Variants in DUS1L observed in about 807,000 individuals in gnomAD.
DUS1L encodes the protein dihydrouridine synthase 1 like, also known as tRNA-dihydrouridine(16/17) synthase [NAD(P)(+)]-like.
DUS1L carries 56 observed loss-of-function variants against 61.2 expected under a neutral mutation model. That is an observed-to-expected ratio of 0.92 (90% CI 0.74 to 1.14). The LOEUF (loss-of-function observed/expected upper bound fraction) is 1.14, where lower values mean the gene tolerates loss of function less well. Among genes scored for constraint, DUS1L ranks in the 50% most tolerant of loss-of-function variants. The probability of loss-of-function intolerance (pLI) is 0.00; values close to 1 mark genes in which losing one functional copy is unlikely to be tolerated. For missense variants in DUS1L, 630 were observed against 632.4 expected, an observed-to-expected ratio of 1.00 and a Z score of 0.04; for synonymous variants, 278 against 259.5, an observed-to-expected ratio of 1.07 and a Z score of -0.69.
chr17:82,059,766 C>T, intron 11 of DUS1L, 182 bp downstream of exon 11: 2 of 786,116 alleles, frequency 2.5e-6, no homozygotes, highest in Non-Finnish European at 4.1e-6. Context: ...CTGTGGCCTG[C>T]ACAGGGTCCC....
chr17:82,061,085 C>G (rs762378509), intron 8 of DUS1L, 124 bp from the exon 9 acceptor site: 3 of 1,529,044 alleles, frequency 2.0e-6, no homozygotes, highest in Non-Finnish European at 2.7e-6. Context: ...GTCACCCCAG[C>G]CCCTCAAGAC....
Position 82,060,676 on chromosome 17 carries a change from C to T in DUS1L, c.1022+25G>A, listed in dbSNP as rs141391140. ...GAGCCCACACCTTGGTGCACATCCC[C>T]GCCCAGGGCTGGCTGGGCTCTCACC... On this transcript the variant is annotated intron_variant, in intron 10 of 13. Coordinates refer to ENST00000306796, the MANE Select transcript of DUS1L (RefSeq NM_022156.5). 1,351 of 1,608,944 alleles carry T rather than the reference C, an allele frequency of 8.4e-4. 11 individuals are homozygous for T. The African/African-American group carries it at 0.014, about 16-fold the overall frequency.
At chr17:82,064,286 G>T (rs765168975) in intron 2 of DUS1L, 52 bp from the exon 3 acceptor site, 29 of 1,513,896 alleles carry the variant, frequency 1.9e-5, no homozygotes, top group Non-Finnish European at 2.4e-5. Flanking sequence ...CTAGTCCCTT[G>T]CTGCCCAGCC....
Position 82,060,699 on chromosome 17 carries a change from A to T in DUS1L, c.1022+2T>A. On this transcript the variant is annotated splice_donor_variant, in intron 10 of 13. Transcript: ENST00000306796. LOFTEE classifies it high-confidence loss of function. Reference sequence around the variant, plus strand: ...CCCGCCCAGGGCTGGCTGGGCTCTCACCCCGGCCGGATGTAGGGCTGGCAG... The same window carrying T: ...CCCGCCCAGGGCTGGCTGGGCTCTCTCCCCGGCCGGATGTAGGGCTGGCAG... 2 of 1,612,236 alleles carry T rather than the reference A, an allele frequency of 1.2e-6. No individual in the cohort carries two copies. Among genetic ancestry groups the T allele is most frequent in the Non-Finnish European group, 1.7e-6 (2 of 1,179,682 alleles).
chr17:82,057,890 A>C lies in DUS1L; in HGVS notation c.*225T>G. The C allele has an allele frequency of 2.4e-6, 1 of 424,988 alleles. No individual in the cohort carries two copies. The allele number at this position is 424,988 out of a possible 1,614,324, so 26.3% of individuals were successfully genotyped here. On this transcript the variant is annotated 3_prime_UTR_variant, in exon 14 of 14. Coordinates refer to ENST00000306796, the MANE Select transcript of DUS1L (RefSeq NM_022156.5). ...GGCTGTGGGCTCTCGCATCTTTGAAATGATTTATTGTTCACTTTTGCACAC... is the reference window on the plus strand; with the variant it reads ...GGCTGTGGGCTCTCGCATCTTTGAACTGATTTATTGTTCACTTTTGCACAC...
chr17:82,059,916 C>A, intron 11 of DUS1L, 32 bp downstream of exon 11: 1 of 1,613,182 alleles, frequency 6.2e-7, no homozygotes, highest in South Asian at 1.1e-5. Flanking sequence ...TGAAGAGGCT[C>A]TCTCGGGCCC....
rs528776653 is a variant in DUS1L, at chr17:82,060,382, G to T, written c.1023-289C>A. The stretch of plus-strand genomic sequence containing the variant: ...CCTCTGAGAACCCAGCAGAAGCTGG[G>T]GTCAACCTCTTGACCCACGGGCAAA... On this transcript the variant is annotated intron_variant, in intron 10 of 13. Coordinates refer to ENST00000306796, the MANE Select transcript of DUS1L (RefSeq NM_022156.5). The T allele has an allele frequency of 2.1e-5, 12 of 579,106 alleles. No individual in the cohort carries two copies. In the South Asian group the frequency reaches 2.7e-4, roughly 13 times the overall value. The allele number at this position is 579,106 out of a possible 1,614,324, so 35.9% of individuals were successfully genotyped here. A position where few individuals can be genotyped will look rare whatever the true frequency, so the allele number is the denominator to read the frequency against.
rs546159582 is a variant in DUS1L at position 82,060,612 on chromosome 17, G to C, written c.1022+89C>G. The C allele has an allele frequency of 1.0e-3, 1,556 of 1,490,118 alleles. 1 individual carries two copies. The highest frequency in any genetic ancestry group is 1.3e-3 in the Non-Finnish European group (1,410 of 1,104,546). The allele number at this position is 1,490,118 out of a possible 1,614,324, so 92.3% of individuals were successfully genotyped here. A position where few individuals can be genotyped will look rare whatever the true frequency, so the allele number is the denominator to read the frequency against. On this transcript the variant is annotated intron_variant, in intron 10 of 13. Coordinates refer to ENST00000306796, the MANE Select transcript of DUS1L (RefSeq NM_022156.5). ...GGAGATGACTGACCATAATGGCTGA[G>C]GACAAGCAGGGCAGGCGCAGCACTG...
chr17:82,058,913 G>A (rs113440348), intron 11 of DUS1L, 95 bp from the exon 12 acceptor site: 128 of 1,185,860 alleles, frequency 1.1e-4, no homozygotes, highest in Middle Eastern at 2.2e-4. Context: ...TGCTGATGGC[G>A]TCCATGCCAG....
chr17:82,065,091 G>C (rs968187417), intron 1 of DUS1L, 22 bp from the exon 2 acceptor site: 32 of 1,555,828 alleles, frequency 2.1e-5, no homozygotes, highest in Non-Finnish European at 2.8e-5. Flanking sequence ...GCGCAGACCC[G>C]GGGTTCAGCC....
chr17:82,061,402 G>T (rs1484571400), intron 7 of DUS1L, 49 bp from the exon 8 acceptor site: 3 of 1,539,730 alleles, frequency 1.9e-6, no homozygotes, highest in Non-Finnish European at 2.6e-6. Flanking sequence ...GCTCCAGGTG[G>T]ACGGCACAGG....
chr17:82,064,072 T>A (rs1172211994), intron 3 of DUS1L, 54 bp downstream of exon 3: 3 of 1,518,574 alleles, frequency 2.0e-6, no homozygotes, highest in Non-Finnish European at 2.7e-6. Context: ...GGGGCTGCAC[T>A]GAGCTGGCTC....
Position 82,061,995 on chromosome 17 carries a change from C to T in DUS1L, c.511-12G>A. ...TGCACCGTCAGCAACTAGGACAGAG[C>T]AGTGGTCGCTTGACCCCTCCAAGCC... On this transcript the variant is annotated splice_polypyrimidine_tract_variant and intron_variant, in intron 5 of 13. Transcript: ENST00000306796. 1 of 1,586,614 alleles carries T rather than the reference C, an allele frequency of 6.3e-7. No homozygotes were observed. The highest frequency in any genetic ancestry group is 1.7e-5 in the Admixed American group (1 of 58,040).
At chr17:82,060,995 C>T (rs372206661) in intron 8 of DUS1L, 34 bp from the exon 9 acceptor site, 16 of 1,595,876 alleles carry the variant, frequency 1.0e-5, no homozygotes, top group Non-Finnish European at 1.3e-5. Flanking sequence ...AGGCTGGGCT[C>T]CCGGCTCCAC....
At position 82,063,546 on chromosome 17, in the gene DUS1L, GC is replaced by G. The variant is rs755218476; in HGVS notation, c.347-29del. The G allele has an allele frequency of 1.9e-6, 3 of 1,612,956 alleles. No homozygotes were observed. In the African/African-American group the frequency reaches 4.0e-5, roughly 21 times the overall value. ...GCAAGGAGCAAGCATGGCCTGGCTG[GC>G]ACCTGTGTTAAGGCTGGTGGGGCCG... On this transcript the variant is annotated intron_variant, in intron 3 of 13. Coordinates refer to ENST00000306796, the MANE Select transcript of DUS1L (RefSeq NM_022156.5).
Position 82,064,912 on chromosome 17 carries a change from G to A in DUS1L, c.148C>T (p.His50Tyr). Residue 50 changes from histidine (H) to tyrosine (Y), a missense_variant, in exon 2 of 14, where the codon CAT becomes TAT. Coordinates refer to ENST00000306796, the MANE Select transcript of DUS1L (RefSeq NM_022156.5). ...GCGTCGCGGACAAAGACCTGGGCATGCAGCATGGGCGTGTAGCAGAGCTGT... is the reference window on the plus strand; with the variant it reads ...GCGTCGCGGACAAAGACCTGGGCATACAGCATGGGCGTGTAGCAGAGCTGT... ...GAQLCYTPML[H>Y]AQVFVRDANY... The A allele has an allele frequency of 6.2e-7, 1 of 1,612,732 alleles. No homozygotes were observed. Among genetic ancestry groups the A allele is most frequent in the Non-Finnish European group, 8.5e-7 (1 of 1,179,890 alleles).
At chr17:82,061,554 G>T in intron 7 of DUS1L, 64 bp downstream of exon 7, 1 of 1,540,126 alleles carries the variant, frequency 6.5e-7, no homozygotes, top group South Asian at 1.1e-5. Flanking sequence ...GGGAGGCACC[G>T]ACCTGGGCGG....
At position 82,058,776 on chromosome 17, in the gene DUS1L, C is replaced by T; in HGVS notation, c.1206+5G>A. 6.2e-7 allele frequency: 1 copy of T among 1,613,402 alleles called. No individual in the cohort carries two copies. Among genetic ancestry groups the T allele is most frequent in the Non-Finnish European group, 8.5e-7 (1 of 1,179,934 alleles). ...CTTGGTGGCTTGCAGCCGGAACCCA[C>T]TCACCTTTGGGTTTCCACACTGGTC... is the stretch of plus-strand genomic sequence containing the variant. On this transcript the variant is annotated splice_donor_5th_base_variant and intron_variant, in intron 12 of 13. Transcript: ENST00000306796.
chr17:82,060,838 C>T (rs58204115), intron 9 of DUS1L, 27 bp downstream of exon 9: 823,033 of 1,610,518 alleles, frequency 0.51, 218,289 homozygotes, highest in Non-Finnish European at 0.55. Flanking sequence ...CCTGCAAGGC[C>T]GGGCTCCCAC....
Sources: allele counts gnomAD v4.1 joint callset, GRCh38; gene constraint gnomAD v4.1.1; transcripts MANE v1.5; gene names NCBI Gene and HGNC (gene_info 2026-07-23, HGNC 2026-07-21).